SMAD2: variants seen among roughly 807,000 people sequenced by gnomAD.
SMAD2 encodes MAD homolog 2.
In SMAD2, 8 loss-of-function variants were observed where a neutral mutation model predicts 64.4. That is an observed-to-expected ratio of 0.12 (90% CI 0.07 to 0.22). The LOEUF is 0.22. Ranked by LOEUF, SMAD2 falls within the 10% of genes least tolerant of loss-of-function variation. The probability of loss-of-function intolerance (pLI) is 1.00; values close to 1 mark genes in which losing one functional copy is unlikely to be tolerated. For missense variants in SMAD2, 289 were observed against 561.2 expected (o/e 0.51, Z 4.90); for synonymous variants, 203 against 195.8 (o/e 1.04, Z -0.31).
intron 2 of SMAD2, among the ~76,000 whole-genome samples, chr18:47,888,426 C>T (rs2033021773): frequency 6.6e-6 from 1 of 152,176 alleles, no homozygotes; most frequent in South Asian, 2.1e-4. Context: ...AGTATTCCCC[C>T]TCAAGACGCT....
rs1015011400 is a variant in SMAD2 at position 47,835,057 on chromosome 18, A to C, written c.*6770T>G. 1 of 219,308 alleles carries C rather than the reference A, an allele frequency of 4.6e-6. No individual in the cohort carries two copies. The highest frequency in any genetic ancestry group is 2.2e-5 in the African/African-American group (1 of 44,564). 13.6% of individuals were successfully genotyped at this position (219,308 alleles called of 1,614,324 possible). On this transcript the variant is annotated 3_prime_UTR_variant, in exon 11 of 11. Coordinates refer to ENST00000262160, the MANE Select transcript of SMAD2 (RefSeq NM_005901.6). ...GCCTACAATGCTGTGATCTAGTTCA[A>C]CAACTGCAGAACTGTTCTCATCTTA... is the stretch of plus-strand genomic sequence containing the variant.
At chr18:47,930,329 T>G (rs2034953275) in intron 1 of SMAD2, 32 bp downstream of exon 1, 2 of 151,886 alleles carry the variant, frequency 1.3e-5, no homozygotes, top group African/African-American at 4.8e-5. Context: ...AACACTTCCC[T>G]AGCTGGAGGC....
At chr18:47,906,011 G>A (rs1220942602) in intron 1 of SMAD2, among the ~76,000 whole-genome samples, 5 of 152,014 alleles carry the variant, frequency 3.3e-5, no homozygotes, top group Non-Finnish European at 5.9e-5. Context: ...CCAGTTAGGA[G>A]GCTGAGGTGG....
In SMAD2 at chr18:47,812,643, A is replaced by T. The variant is rs1363401903; in HGVS notation, c.*29184T>A. On this transcript the variant is annotated 3_prime_UTR_variant, in exon 11 of 11. Coordinates refer to ENST00000262160, the MANE Select transcript of SMAD2 (RefSeq NM_005901.6). ...TACTTCCTTCCCTCAACATGTAGGG[A>T]TTACAATTCAAGATGAGATTTGGGT... 1 of 152,212 alleles carries T rather than the reference A, an allele frequency of 6.6e-6. No homozygotes were observed. The highest frequency in any genetic ancestry group is 6.5e-5 in the Admixed American group (1 of 15,284). 9.4% of individuals were successfully genotyped at this position (152,212 alleles called of 1,614,324 possible). A position where few individuals can be genotyped will look rare whatever the true frequency, so the allele number is the denominator to read the frequency against.
rs567205210 is a variant in SMAD2 at position 47,814,252 on chromosome 18, C to T, written c.*27575G>A. 15 of 152,092 alleles carry T rather than the reference C, an allele frequency of 9.9e-5. No homozygotes were observed. The highest frequency in any genetic ancestry group is 1.9e-4 in the Non-Finnish European group (13 of 68,042). 9.4% of individuals were successfully genotyped at this position (152,092 alleles called of 1,614,324 possible). A position where few individuals can be genotyped will look rare whatever the true frequency, so the allele number is the denominator to read the frequency against. On this transcript the variant is annotated 3_prime_UTR_variant, in exon 11 of 11. Transcript: ENST00000262160. ...GTCACAGGAAAGGAGAGGGTGTGTACTAGAGTAACAGCACAGTTGCTACTC... is the reference window on the plus strand; with the variant it reads ...GTCACAGGAAAGGAGAGGGTGTGTATTAGAGTAACAGCACAGTTGCTACTC...
intron 2 of SMAD2, among the ~76,000 whole-genome samples, chr18:47,884,797 T>C (rs146438883): frequency 0.012 from 1,796 of 152,254 alleles, 10 homozygotes; most frequent in African/African-American, 0.018. Context: ...TCATCTTTGA[T>C]ATAGTATAGC....
chr18:47,847,943 C>G (rs1914687710), intron 8 of SMAD2, among the ~76,000 whole-genome samples: 3 of 151,994 alleles, frequency 2.0e-5, no homozygotes, highest in African/African-American at 4.8e-5. Context: ...CTGGGACTAC[C>G]AGAAGTCCCC....
chr18:47,849,322 A>T (rs1307122606), intron 7 of SMAD2, among the ~76,000 whole-genome samples: 1 of 152,130 alleles, frequency 6.6e-6, no homozygotes, highest in Non-Finnish European at 1.5e-5. Flanking sequence ...GGAAAACTAT[A>T]TATTTAGCTT....
chr18:47,877,732 TGAGA>T (rs1312568332), intron 2 of SMAD2, among the ~76,000 whole-genome samples: 1 of 152,026 alleles, frequency 6.6e-6, no homozygotes, highest in Non-Finnish European at 1.5e-5. Flanking sequence ...CAATCCTGAT[TGAGA>T]AATAAGTAGG....
Position 47,820,147 on chromosome 18 carries a change from T to G in SMAD2, c.*21680A>C, listed in dbSNP as rs568177437. ...AAAAACAATAAACTGCTGAAAATAT[T>G]AGTTTGTTCTTGGCTTCCTAAATTA... On this transcript the variant is annotated 3_prime_UTR_variant, in exon 11 of 11. Transcript: ENST00000262160. The G allele has an allele frequency of 4.6e-5, 7 of 152,164 alleles. No homozygotes were observed. Among genetic ancestry groups the G allele is most frequent in the Admixed American group, 1.3e-4 (2 of 15,270 alleles). The allele number at this position is 152,164 out of a possible 1,614,324, so 9.4% of individuals were successfully genotyped here.
intron 2 of SMAD2, among the ~76,000 whole-genome samples, chr18:47,871,162 A>G (rs1466928370): frequency 6.6e-6 from 1 of 152,202 alleles, no homozygotes; most frequent in Non-Finnish European, 1.5e-5. Flanking sequence ...GAATATGGGC[A>G]GCTCAGAGAT....
In SMAD2 at chr18:47,850,434, ATTATGTATAATATATATTATATATTAT is replaced by A. The variant is rs1915196153; in HGVS notation, c.784+813_784+839del. ...ATAATATATATAATATATTATATAT[ATTATGTATAATATATATTATATATTAT>A]ACATAATATATATTATATATTATAT... is the stretch of plus-strand genomic sequence containing the variant. On this transcript the variant is annotated intron_variant, in intron 7 of 10. Transcript: ENST00000262160. 1.3e-4 allele frequency among the ~76,000 whole-genome samples: 3 copies of A among 23,956 alleles called. 1 individual carries two copies. Among genetic ancestry groups the A allele is most frequent in the African/African-American group, 1.8e-4 (1 of 5,564 alleles). The allele number at this position is 23,956 out of a possible 152,430, so 15.7% of individuals were successfully genotyped here. A position where few individuals can be genotyped will look rare whatever the true frequency, so the allele number is the denominator to read the frequency against.
intron 8 of SMAD2, among the ~76,000 whole-genome samples, 196 bp from the exon 9 acceptor site, chr18:47,845,996 T>C (rs986821018): frequency 2.0e-5 from 3 of 152,160 alleles, no homozygotes; most frequent in East Asian, 1.9e-4. Flanking sequence ...AATAATTTTA[T>C]TGATTTTAAA....
At chr18:47,850,319 C>T (rs187242904) in intron 7 of SMAD2, among the ~76,000 whole-genome samples, 5,865 of 18,588 alleles carry the variant, frequency 0.32, 745 homozygotes, top group East Asian at 0.55. Flanking sequence ...ATGTTATATA[C>T]ATATTATGTA....
At chr18:47,904,403 C>T (rs2033821505) in intron 1 of SMAD2, among the ~76,000 whole-genome samples, 1 of 151,726 alleles carries the variant, frequency 6.6e-6, no homozygotes, top group Non-Finnish European at 1.5e-5. Flanking sequence ...TTGCCCATCT[C>T]CCACACACAA....
intron 1 of SMAD2, among the ~76,000 whole-genome samples, chr18:47,919,282 C>T (rs538121316): frequency 2.0e-5 from 3 of 151,752 alleles, no homozygotes; most frequent in Non-Finnish European, 4.4e-5. Context: ...AAGTATTTAC[C>T]GCCCCACCCC....
rs758818115 is a variant in SMAD2 at position 47,845,514 on chromosome 18, CAA to C, written c.1136-32_1136-31del. On this transcript the variant is annotated intron_variant, in intron 9 of 10. Transcript: ENST00000262160. ...GATTAAAAAAGGTAAAAGAAATTGT[CAA>C]AAGAGTATCATTATTAAAAAGTAAT... 19 of 1,605,064 alleles carry C rather than the reference CAA, an allele frequency of 1.2e-5. No homozygotes were observed. In the South Asian group the frequency reaches 2.1e-4, roughly 18 times the overall value.
Position 47,912,320 on chromosome 18 carries a change from T to C in SMAD2, c.-53-15511A>G, listed in dbSNP as rs561651905. ...ACAATTTGCATTTTGAATGACCTAC[T>C]GGACGTGCAGTTTAGGGAAAAGGAT... On this transcript the variant is annotated intron_variant, in intron 1 of 10. Transcript: ENST00000262160. The C allele has an allele frequency of 5.3e-5, 8 of 152,344 alleles. No homozygotes were observed. In the South Asian group the frequency reaches 1.0e-3, roughly 20 times the overall value. The allele number at this position is 152,344 out of a possible 1,614,324, so 9.4% of individuals were successfully genotyped here.
rs1422117498 is a variant in SMAD2, at chr18:47,835,933, C to T, written c.*5894G>A. The T allele has an allele frequency of 1.4e-5, 3 of 209,172 alleles. No homozygotes were observed. Among genetic ancestry groups the T allele is most frequent in the Non-Finnish European group, 2.9e-5 (3 of 103,082 alleles). The allele number at this position is 209,172 out of a possible 1,614,324, so 13.0% of individuals were successfully genotyped here. On this transcript the variant is annotated 3_prime_UTR_variant, in exon 11 of 11. Transcript: ENST00000262160. ...TTTTTTTGAAGAAAAATCTAAAAGC[C>T]CTCTATGTTGAGTTAATACACCTTC...
Sources: allele counts gnomAD v4.1 joint callset (sites outside exome capture counted in the v4.1 genomes callset), GRCh38; gene constraint gnomAD v4.1.1; transcripts MANE v1.5; gene names NCBI Gene and HGNC (gene_info 2026-07-23, HGNC 2026-07-21).